The following CARMIL1 variants were observed in gnomAD, a reference collection of about 807,000 sequenced individuals.
CARMIL1 encodes capping protein regulator and myosin 1 linker 1, also known as F-actin-uncapping protein LRRC16A.
Under a neutral mutation model 177.1 loss-of-function variants are expected in CARMIL1, and 90 were observed. That is an observed-to-expected ratio of 0.51 (90% CI 0.43 to 0.61). The LOEUF (loss-of-function observed/expected upper bound fraction) is 0.61, where lower values mean the gene tolerates loss of function less well. Ranked by LOEUF, CARMIL1 falls within the 20% of genes least tolerant of loss-of-function variation. The pLI is 0.00. For missense variants in CARMIL1, 1,380 were observed against 1,667.0 expected (o/e 0.83, Z 3.00); for synonymous variants, 577 against 606.2 (o/e 0.95, Z 0.71).
chr6:25,426,510 A>AC lies in CARMIL1; in HGVS notation c.201dup (p.Phe68LeufsTer22). 6.2e-7 allele frequency: 1 copy of AC among 1,611,714 alleles called. No homozygotes were observed. The highest frequency in any genetic ancestry group is 8.5e-7 in the Non-Finnish European group (1 of 1,178,814). ...TTCCCCTCAATTGCAGCTCGAGTTA[A>AC]CCTTCAGCTACTTGGAGATTCATGG... On this transcript the variant is annotated frameshift_variant, in exon 4 of 37. Transcript: ENST00000329474. LOFTEE classifies it high-confidence loss of function.
At chr6:25,491,161 A>G (rs1481303466) in intron 13 of CARMIL1, among the ~76,000 whole-genome samples, 4 of 152,136 alleles carry the variant, frequency 2.6e-5, no homozygotes, top group African/African-American at 9.7e-5. Flanking sequence ...AAGCATTGTG[A>G]CCCCCTGAAA....
intron 2 of CARMIL1, among the ~76,000 whole-genome samples, chr6:25,308,444 C>T (rs970273017): frequency 3.4e-5 from 5 of 147,332 alleles, no homozygotes; most frequent in Admixed American, 2.8e-4. Context: ...TGCAGTGGCA[C>T]GATCTCGGCT....
chr6:25,430,547 A>G (rs1796673085), intron 4 of CARMIL1, among the ~76,000 whole-genome samples: 1 of 151,130 alleles, frequency 6.6e-6, no homozygotes, highest in Admixed American at 6.6e-5. Flanking sequence ...CTCTCACCTC[A>G]TCCTCCCAAG....
intron 13 of CARMIL1, among the ~76,000 whole-genome samples, chr6:25,488,915 C>G (rs1166223445): frequency 6.6e-6 from 1 of 152,024 alleles, no homozygotes; most frequent in Non-Finnish European, 1.5e-5. Context: ...ACCTGTAATC[C>G]CAGCACTTTG....
chr6:25,465,435 A>T (rs1800515999), intron 8 of CARMIL1: 1 of 155,322 alleles, frequency 6.4e-6, no homozygotes, highest in African/African-American at 2.4e-5. Context: ...TGGGAGAATC[A>T]CTTGAGTTTC....
chr6:25,316,677 G>T (rs1314898737), intron 2 of CARMIL1, among the ~76,000 whole-genome samples: 1 of 152,038 alleles, frequency 6.6e-6, no homozygotes, highest in Non-Finnish European at 1.5e-5. Flanking sequence ...CTCCAAAAGT[G>T]CTGGAATTAG....
chr6:25,585,271 G>T (rs1380379393), intron 31 of CARMIL1, among the ~76,000 whole-genome samples: 1 of 152,192 alleles, frequency 6.6e-6, no homozygotes, highest in Non-Finnish European at 1.5e-5. Flanking sequence ...TGTTTAGTAA[G>T]AGCAATTATT....
chr6:25,376,205 C>T (rs573534714), intron 2 of CARMIL1, among the ~76,000 whole-genome samples: 10 of 152,238 alleles, frequency 6.6e-5, no homozygotes, highest in African/African-American at 1.4e-4. Flanking sequence ...CTCAGCCTTG[C>T]GAGTAGCTGG....
chr6:25,513,618 T>C (rs1449243460), intron 20 of CARMIL1, among the ~76,000 whole-genome samples: 1 of 152,206 alleles, frequency 6.6e-6, no homozygotes, highest in East Asian at 1.9e-4. Flanking sequence ...TCATTCTGTC[T>C]CCTGTAGCCC....
In CARMIL1 at chr6:25,594,442, G is replaced by A. The variant is rs549801571; in HGVS notation, c.3034G>A (p.Asp1012Asn). The A allele has an allele frequency of 2.5e-6, 4 of 1,613,038 alleles. No homozygotes were observed. The highest frequency in any genetic ancestry group is 1.7e-6 in the Non-Finnish European group (2 of 1,179,448). Reference sequence around the variant, plus strand: ...CTGTGCTGCCAACATAGTCTCACAAGATGGTGAACAGAATGGTCTCATGGG... The same window carrying A: ...CTGTGCTGCCAACATAGTCTCACAAAATGGTGAACAGAATGGTCTCATGGG... ...AVCAANIVSQ[D>N]GEQNGLMGRV... The change falls in exon 32 of 37, where the codon GAT becomes AAT. Residue 1012 changes from aspartate to asparagine, a missense_variant. Coordinates refer to ENST00000329474, the MANE Select transcript of CARMIL1 (RefSeq NM_017640.6).
chr6:25,429,215 A>G (rs535395790), intron 4 of CARMIL1, among the ~76,000 whole-genome samples: 1 of 152,304 alleles, frequency 6.6e-6, no homozygotes, highest in East Asian at 1.9e-4. Flanking sequence ...ACTTCTTACC[A>G]TGAAAACAGT....
intron 32 of CARMIL1, among the ~76,000 whole-genome samples, chr6:25,599,301 C>T (rs1815163063): frequency 6.6e-6 from 1 of 152,222 alleles, no homozygotes; most frequent in Admixed American, 6.5e-5. Context: ...TTTCAGCTTT[C>T]TCTGATCTAT....
At chr6:25,335,037 G>T (rs1786069731) in intron 2 of CARMIL1, among the ~76,000 whole-genome samples, 1 of 152,182 alleles carries the variant, frequency 6.6e-6, no homozygotes, top group Non-Finnish European at 1.5e-5. Context: ...CTTGCTTGAG[G>T]TCATGCAAAT....
intron 12 of CARMIL1, among the ~76,000 whole-genome samples, chr6:25,485,042 G>A (rs1006535353): frequency 3.3e-5 from 5 of 151,824 alleles, no homozygotes; most frequent in Admixed American, 6.6e-5. Flanking sequence ...CTCTTAAAAC[G>A]AAAACAAAAA....
intron 2 of CARMIL1, among the ~76,000 whole-genome samples, chr6:25,413,898 T>G (rs866167794): frequency 2.0e-5 from 3 of 152,206 alleles, no homozygotes; most frequent in African/African-American, 2.4e-5. Flanking sequence ...AGGAGAAGTT[T>G]CAATATCTTT....
At position 25,610,059 on chromosome 6, in the gene CARMIL1, C is replaced by G. The variant is rs1298422977; in HGVS notation, c.3857C>G (p.Pro1286Arg). ...GTTTGTGTCTCCTTAGATGACATTC[C>G]AGACTCTCCATCTAGCCCGAAAGTT... ...PRTASRPDDI[P>R]DSPSSPKVAL... The change falls in exon 36 of 37, where the codon CCA becomes CGA. Residue 1286 changes from proline (P) to arginine (R), a missense_variant. Transcript: ENST00000329474. 1.9e-6 allele frequency: 3 copies of G among 1,613,630 alleles called. No homozygotes were observed. In the African/African-American group the frequency reaches 4.0e-5, roughly 22 times the overall value.
intron 15 of CARMIL1, among the ~76,000 whole-genome samples, chr6:25,493,516 G>A (rs1803424016): frequency 6.6e-6 from 1 of 152,148 alleles, no homozygotes; most frequent in South Asian, 2.1e-4. Context: ...CATGTCCATT[G>A]TGGGCTGGCA....
At chr6:25,451,984 T>TGGGGGGGGGGGGGGGGG in intron 8 of CARMIL1, 1 of 143,266 alleles carries the variant, frequency 7.0e-6, no homozygotes, top group Non-Finnish European at 1.4e-5. Flanking sequence ...CACTAGCATC[T>TGGGGGGGGGGGGGGGGG]TGCCCCCCCC....
At chr6:25,460,228 C>T (rs752128391) in intron 8 of CARMIL1, among the ~76,000 whole-genome samples, 2 of 152,180 alleles carry the variant, frequency 1.3e-5, no homozygotes, top group South Asian at 2.1e-4. Flanking sequence ...AATATTTATT[C>T]ATGATCTGCT....
Sources: gnomAD v4.1 joint callset for allele counts (sites outside exome capture counted in the v4.1 genomes callset) on GRCh38, gnomAD v4.1.1 for gene constraint, MANE v1.5 for transcripts, NCBI Gene and HGNC (gene_info 2026-07-23, HGNC 2026-07-21) for gene names.